CCSER1: variants seen among roughly 807,000 people sequenced by gnomAD.
The protein encoded by CCSER1 is serine-rich coiled-coil domain-containing protein 1.
In CCSER1, 41 loss-of-function variants were observed where a neutral mutation model predicts 82.0. The ratio of observed to expected loss-of-function variants is 0.50; its 90% CI spans 0.39 to 0.65. The LOEUF (loss-of-function observed/expected upper bound fraction) is 0.65. CCSER1 is among the 30% of genes least tolerant of loss of function. The pLI is 0.00. For missense variants in CCSER1, 1,119 were observed against 1,064.2 expected (o/e 1.05, Z -0.72); for synonymous variants, 414 against 383.9 (o/e 1.08, Z -0.92).
At chr4:90,750,468 G>T (rs541568314) in intron 7 of CCSER1, among the ~76,000 whole-genome samples, 30 of 152,164 alleles carry the variant, frequency 2.0e-4, no homozygotes, top group African/African-American at 7.2e-4. Context: ...GTAAATGTGG[G>T]GTTGTTTGAG....
At chr4:90,806,699 C>T (rs570763094) in intron 7 of CCSER1, among the ~76,000 whole-genome samples, 1 of 152,222 alleles carries the variant, frequency 6.6e-6, no homozygotes, top group South Asian at 2.1e-4. Context: ...AGGCACTCCC[C>T]AACCAATGAG....
At chr4:90,305,030 C>T (rs1579075771) in intron 1 of CCSER1, among the ~76,000 whole-genome samples, 1 of 151,928 alleles carries the variant, frequency 6.6e-6, no homozygotes, top group African/African-American at 2.4e-5. Flanking sequence ...CATTCTCCCG[C>T]CTCAGCCTCC....
chr4:90,318,100 C>A (rs981132570), intron 3 of CCSER1, among the ~76,000 whole-genome samples: 1 of 152,118 alleles, frequency 6.6e-6, no homozygotes, highest in Non-Finnish European at 1.5e-5. Context: ...ATTTAATGGG[C>A]CCTGACTTTG....
intron 7 of CCSER1, among the ~76,000 whole-genome samples, chr4:90,793,700 G>GAATATA (rs1455473362): frequency 4.6e-5 from 7 of 152,296 alleles, no homozygotes; most frequent in South Asian, 2.1e-4. Context: ...TGGGATTGCT[G>GAATATA]TGACAAATGG....
chr4:91,294,482 C>G (rs1239505973), intron 10 of CCSER1, among the ~76,000 whole-genome samples: 1 of 151,774 alleles, frequency 6.6e-6, no homozygotes, highest in Non-Finnish European at 1.5e-5. Flanking sequence ...TAACAAGTTA[C>G]CACAAACTCA....
At chr4:91,226,604 A>G (rs1296515999) in intron 10 of CCSER1, among the ~76,000 whole-genome samples, 1 of 151,968 alleles carries the variant, frequency 6.6e-6, no homozygotes, top group Non-Finnish European at 1.5e-5. Flanking sequence ...TATATGCTAA[A>G]TAATTTTGTA....
chr4:90,695,112 A>G (rs1480825652), intron 6 of CCSER1, among the ~76,000 whole-genome samples: 1 of 150,160 alleles, frequency 6.7e-6, no homozygotes, highest in Non-Finnish European at 1.5e-5. Flanking sequence ...TCTAATCTCC[A>G]TACACTTTGG....
At chr4:90,483,496 T>G (rs1309572782) in intron 5 of CCSER1, among the ~76,000 whole-genome samples, 1 of 152,220 alleles carries the variant, frequency 6.6e-6, no homozygotes, top group Non-Finnish European at 1.5e-5. Context: ...AGCATGTTTT[T>G]GCAGTGGCTG....
In CCSER1 at chr4:91,126,102, GAT is replaced by G. The variant is rs531054533; in HGVS notation, c.2217+40110_2217+40111del. On this transcript the variant is annotated intron_variant, in intron 10 of 10. Transcript: ENST00000509176. ...GACTTATGTATATATTTCTATCTAAGATAAATTTTTTGTATATAAAGTTTTAA... is the reference window on the plus strand; with the variant it reads ...GACTTATGTATATATTTCTATCTAAGAAATTTTTTGTATATAAAGTTTTAA... 4.8e-3 allele frequency among the ~76,000 whole-genome samples: 725 copies of G among 151,668 alleles called. 4 individuals carry two copies. The highest frequency in any genetic ancestry group is 7.7e-3 in the Non-Finnish European group (522 of 67,714).
chr4:91,384,228 C>G (rs1431739606), intron 10 of CCSER1, among the ~76,000 whole-genome samples: 1 of 151,952 alleles, frequency 6.6e-6, no homozygotes, highest in East Asian at 1.9e-4. Flanking sequence ...AACCTAACAC[C>G]TAGATCTACA....
At chr4:90,186,199 T>C (rs1394060048) in intron 1 of CCSER1, among the ~76,000 whole-genome samples, 1 of 151,984 alleles carries the variant, frequency 6.6e-6, no homozygotes, top group African/African-American at 2.4e-5. Context: ...AGACTTGCTC[T>C]AGGTCCCAGG....
intron 10 of CCSER1, among the ~76,000 whole-genome samples, chr4:91,364,349 A>T (rs1264006155): frequency 1.3e-5 from 2 of 152,076 alleles, no homozygotes; most frequent in African/African-American, 2.4e-5. Flanking sequence ...CTAGATTTTT[A>T]AATTTTAGTA....
chr4:91,568,866 A>G (rs1236389822), intron 10 of CCSER1, among the ~76,000 whole-genome samples: 2 of 152,080 alleles, frequency 1.3e-5, no homozygotes, highest in Non-Finnish European at 2.9e-5. Flanking sequence ...CAGCCTGGTT[A>G]AAAAATCTTG....
chr4:90,301,545 G>C (rs1461065447), intron 1 of CCSER1, among the ~76,000 whole-genome samples: 2 of 151,982 alleles, frequency 1.3e-5, no homozygotes, highest in African/African-American at 4.8e-5. Context: ...CTTATCTTTT[G>C]TTTATTTACA....
chr4:90,920,949 T>G (rs1032129965), intron 8 of CCSER1, among the ~76,000 whole-genome samples: 1 of 151,768 alleles, frequency 6.6e-6, no homozygotes, highest in African/African-American at 2.4e-5. Flanking sequence ...AATGTGAAAC[T>G]GAAAATACAT....
At chr4:90,744,453 C>T (rs1012405237) in intron 7 of CCSER1, among the ~76,000 whole-genome samples, 7 of 152,154 alleles carry the variant, frequency 4.6e-5, no homozygotes, top group African/African-American at 1.7e-4. Context: ...TCAAGAGGCA[C>T]TGATCAAATA....
rs570754399 is a variant in CCSER1 at position 91,479,381 on chromosome 4, A to T, written c.2218-119191A>T. ...TTGGCATAAAATATTTACAACTGAT[A>T]TGATAGAGAATTAGGATCCTCATTT... On this transcript the variant is annotated intron_variant, in intron 10 of 10. Coordinates refer to ENST00000509176, the MANE Select transcript of CCSER1 (RefSeq NM_001145065.2). 4.5e-3 allele frequency among the ~76,000 whole-genome samples: 687 copies of T among 152,092 alleles called. 2 individuals carry two copies. The highest frequency in any genetic ancestry group is 0.016 in the African/African-American group (655 of 41,568).
chr4:90,328,829 G>C (rs962077606), intron 3 of CCSER1, among the ~76,000 whole-genome samples: 3 of 152,262 alleles, frequency 2.0e-5, no homozygotes, highest in African/African-American at 7.2e-5. Flanking sequence ...GGTGTGCAGA[G>C]GGCATGTGTT....
At chr4:90,962,229 T>A (rs187665485) in intron 9 of CCSER1, among the ~76,000 whole-genome samples, 9 of 151,796 alleles carry the variant, frequency 5.9e-5, no homozygotes, top group Admixed American at 3.3e-4. Flanking sequence ...ATGATGCCAA[T>A]GTAAAAAAAA....
Sources: allele counts gnomAD v4.1 joint callset (sites outside exome capture counted in the v4.1 genomes callset), GRCh38; gene constraint gnomAD v4.1.1; transcripts MANE v1.5; gene names NCBI Gene and HGNC (gene_info 2026-07-23, HGNC 2026-07-21).